MOBP: variants seen among roughly 807,000 people sequenced by gnomAD.
The protein encoded by MOBP is myelin associated oligodendrocyte basic protein.
A neutral mutation model predicts 15.0 loss-of-function variants in MOBP; 5 were observed. The ratio of observed to expected loss-of-function variants is 0.33; its 90% confidence interval spans 0.17 to 0.70. The LOEUF (loss-of-function observed/expected upper bound fraction) is 0.70. Ranked by LOEUF, MOBP falls within the 30% of genes least tolerant of loss-of-function variation. The pLI is 0.67. For synonymous variants in MOBP, 88 were observed against 99.0 expected, an observed-to-expected ratio of 0.89 and a Z score of 0.66; for missense variants, 188 against 257.8, an observed-to-expected ratio of 0.73 and a Z score of 1.85.
intron 4 of MOBP, chr3:39,513,274 C>T: frequency 1.1e-6 from 1 of 920,316 alleles, no homozygotes; most frequent in Non-Finnish European, 1.6e-6. Context: ...AGAATAACCT[C>T]AAAGGTAGTC....
At chr3:39,479,476 A>G (rs1274634061) in intron 1 of MOBP, among the ~76,000 whole-genome samples, 1 of 151,964 alleles carries the variant, frequency 6.6e-6, no homozygotes, top group Non-Finnish European at 1.5e-5. Flanking sequence ...AATACACATG[A>G]ACTTCCATAT....
At chr3:39,498,680 T>G (rs1249677284) in intron 2 of MOBP, among the ~76,000 whole-genome samples, 1 of 152,178 alleles carries the variant, frequency 6.6e-6, no homozygotes, top group Non-Finnish European at 1.5e-5. Flanking sequence ...CAGGTGGTTG[T>G]GTTAGGAATG....
chr3:39,480,362 G>A (rs1040596138), intron 2 of MOBP, among the ~76,000 whole-genome samples: 2 of 152,202 alleles, frequency 1.3e-5, no homozygotes, highest in Non-Finnish European at 1.5e-5. Flanking sequence ...CCAAGCCACC[G>A]AGTGTCTGTG....
At chr3:39,473,472 C>T (rs964048637) in intron 1 of MOBP, among the ~76,000 whole-genome samples, 2 of 152,104 alleles carry the variant, frequency 1.3e-5, no homozygotes, top group Admixed American at 6.5e-5. Flanking sequence ...GCAGGAGAGG[C>T]GTGCTTAAGA....
intron 2 of MOBP, among the ~76,000 whole-genome samples, chr3:39,488,474 T>C (rs906251268): frequency 6.6e-6 from 1 of 152,186 alleles, no homozygotes; most frequent in Non-Finnish European, 1.5e-5. Flanking sequence ...TCTGTCTGCA[T>C]GTCCTGTTCA....
chr3:39,488,975 C>T (rs1324855604), intron 2 of MOBP, among the ~76,000 whole-genome samples: 8 of 152,160 alleles, frequency 5.3e-5, no homozygotes, highest in Admixed American at 5.2e-4. Flanking sequence ...TCAACACCTT[C>T]CTATCCTTCC....
At chr3:39,517,192 C>T (rs2043214468), downstream of MOBP, among the ~76,000 whole-genome samples, 1 of 152,186 alleles carries the variant, frequency 6.6e-6, no homozygotes, top group Non-Finnish European at 1.5e-5. Flanking sequence ...TAGAGGTATA[C>T]ACTTGCAGGG....
chr3:39,477,055 A>C (rs553533820), intron 1 of MOBP, among the ~76,000 whole-genome samples: 5 of 152,150 alleles, frequency 3.3e-5, no homozygotes, highest in African/African-American at 9.6e-5. Flanking sequence ...GGTCAGACCT[A>C]TTTTATCTTT....
At chr3:39,518,688 T>G (rs2043230319), downstream of MOBP, among the ~76,000 whole-genome samples, 1 of 152,206 alleles carries the variant, frequency 6.6e-6, no homozygotes, top group Non-Finnish European at 1.5e-5. Context: ...GAGATAATCC[T>G]ATTGCATCCA....
chr3:39,513,701 A>G, exon 5 of MOBP: 1 of 420,214 alleles, frequency 2.4e-6, no homozygotes. Context: ...TTTTTGTTTC[A>G]CCTGCAGTCC....
chr3:39,470,445 T>A (rs552156086), intron 1 of MOBP, among the ~76,000 whole-genome samples: 1 of 152,098 alleles, frequency 6.6e-6, no homozygotes, highest in Non-Finnish European at 1.5e-5. Flanking sequence ...AAAATTGAGA[T>A]CCAGAGACTA....
intron 2 of MOBP, among the ~76,000 whole-genome samples, chr3:39,481,672 A>G (rs747192946): frequency 1.1e-3 from 173 of 152,158 alleles, no homozygotes; most frequent in Non-Finnish European, 2.3e-3. Context: ...TGAGTTGCCT[A>G]TAGTTTCTCT....
downstream of MOBP, among the ~76,000 whole-genome samples, chr3:39,517,162 A>G (rs150781548): frequency 2.1e-4 from 32 of 152,194 alleles, no homozygotes; most frequent in African/African-American, 7.5e-4. Context: ...GAATTTGCAT[A>G]CTCACTCTTT....
At chr3:39,494,776 T>C in intron 2 of MOBP, among the ~76,000 whole-genome samples, 1 of 106,344 alleles carries the variant, frequency 9.4e-6, no homozygotes, top group Non-Finnish European at 2.1e-5. Flanking sequence ...ATTTCATATT[T>C]TCAAAGCCCC....
chr3:39,491,863 G>C (rs965439168), intron 2 of MOBP, among the ~76,000 whole-genome samples: 1 of 152,192 alleles, frequency 6.6e-6, no homozygotes, highest in Admixed American at 6.5e-5. Context: ...AAACCATGGT[G>C]GGGGATGTGG....
chr3:39,507,678 T>A (rs1302390543), downstream of MOBP, among the ~76,000 whole-genome samples: 1 of 152,140 alleles, frequency 6.6e-6, no homozygotes, highest in East Asian at 1.9e-4. Context: ...TGTATATAAA[T>A]CATTTGTTCT....
chr3:39,485,047 A>G (rs2042682441), intron 2 of MOBP, among the ~76,000 whole-genome samples: 1 of 152,236 alleles, frequency 6.6e-6, no homozygotes, highest in South Asian at 2.1e-4. Context: ...GGTCCCCACA[A>G]CAGTATTAGA....
At chr3:39,495,750 CAAAAA>C (rs1179926622) in intron 2 of MOBP, among the ~76,000 whole-genome samples, 3 of 60,200 alleles carry the variant, frequency 5.0e-5, no homozygotes, top group East Asian at 5.4e-4. Context: ...GAGACCTTGT[CAAAAA>C]AAAAAAAAAA....
chr3:39,527,362 CAGAT>C (rs2043334969), downstream of MOBP: 1 of 151,644 alleles, frequency 6.6e-6, no homozygotes, highest in African/African-American at 2.4e-5. Flanking sequence ...AGAAAATTGA[CAGAT>C]AATATTTTTG....
Sources: allele counts gnomAD v4.1 joint callset (sites outside exome capture counted in the v4.1 genomes callset), GRCh38; gene constraint gnomAD v4.1.1; transcripts MANE v1.5; gene names NCBI Gene and HGNC (gene_info 2026-07-23, HGNC 2026-07-21).